The following FERMT1 variants were observed in gnomAD, a reference collection of about 807,000 sequenced individuals.
FERMT1 encodes the protein FERM domain containing kindlin 1.
In FERMT1, 60 loss-of-function variants were observed where a neutral mutation model predicts 85.3. The observed-to-expected ratio is 0.70, with a 90% CI of 0.57 to 0.87. The LOEUF (loss-of-function observed/expected upper bound fraction) is 0.87, where lower values mean the gene tolerates loss of function less well. Ranked by LOEUF, FERMT1 falls within the 40% of genes least tolerant of loss-of-function variation. FERMT1 has a pLI of 0.00. For missense variants in FERMT1, 701 were observed against 818.9 expected, an observed-to-expected ratio of 0.86 and a Z score of 1.76; for synonymous variants, 275 against 301.1, an observed-to-expected ratio of 0.91 and a Z score of 0.90.
At chr20:6,102,570 G>A (rs1045486427) in intron 6 of FERMT1, among the ~76,000 whole-genome samples, 15 of 151,074 alleles carry the variant, frequency 9.9e-5, no homozygotes, top group East Asian at 3.9e-4. Context: ...CCAGCTACTC[G>A]GGAGGCTGAG....
rs1476430208 is a variant in FERMT1 at position 6,077,947 on chromosome 20, T to C, written c.1861-601A>G. On this transcript the variant is annotated intron_variant, in intron 14 of 14. Coordinates refer to ENST00000217289, the MANE Select transcript of FERMT1 (RefSeq NM_017671.5). ...TCCATGCCTCGGACCCCCAAAGTGT[T>C]GGGATTATAGGCGTGAGCCACTGCA... 3.9e-5 allele frequency among the ~76,000 whole-genome samples: 6 copies of C among 152,160 alleles called. No individual in the cohort carries two copies. The East Asian group carries it at 9.6e-4, about 24-fold the overall frequency.
At chr20:6,087,110 C>T (rs560631556) in intron 11 of FERMT1, among the ~76,000 whole-genome samples, 2 of 152,196 alleles carry the variant, frequency 1.3e-5, no homozygotes, top group South Asian at 4.2e-4. Flanking sequence ...TGTGTTGCTA[C>T]GTGCCCTCTC....
In FERMT1 at chr20:6,076,595, G is replaced by C; in HGVS notation, c.*578C>G. On this transcript the variant is annotated 3_prime_UTR_variant, in exon 15 of 15. Transcript: ENST00000217289. Reference sequence around the variant, plus strand: ...ACTGAGGGCCACTCCTCTGACCTTGGGTTGTCAACTGCTACCTGGTAGCCC... The same window carrying C: ...ACTGAGGGCCACTCCTCTGACCTTGCGTTGTCAACTGCTACCTGGTAGCCC... 2.4e-6 allele frequency: 1 copy of C among 419,250 alleles called. No homozygotes were observed. The highest frequency in any genetic ancestry group is 1.7e-5 in the South Asian group (1 of 57,788). 26.0% of individuals were successfully genotyped at this position (419,250 alleles called of 1,614,324 possible).
At chr20:6,083,662 C>CCA (rs1555799163) in intron 13 of FERMT1, among the ~76,000 whole-genome samples, 10 of 138,442 alleles carry the variant, frequency 7.2e-5, no homozygotes, top group Admixed American at 2.3e-4. Flanking sequence ...GACACCCCCC[C>CCA]CCCCGGCCAC....
At chr20:6,122,022 G>A (rs1983290561) in intron 1 of FERMT1, among the ~76,000 whole-genome samples, 1 of 152,162 alleles carries the variant, frequency 6.6e-6, no homozygotes, top group Non-Finnish European at 1.5e-5. Context: ...TATTTAAAAT[G>A]TTTTGTATAT....
chr20:6,084,306 TTC>T (rs1418597050), intron 12 of FERMT1, 142 bp from the exon 13 acceptor site: 7 of 918,486 alleles, frequency 7.6e-6, no homozygotes, highest in Admixed American at 4.0e-5. Context: ...CATCCATTCA[TTC>T]TCTCTCTTTT....
At chr20:6,077,826 G>T (rs897085689) in intron 14 of FERMT1, among the ~76,000 whole-genome samples, 2 of 152,036 alleles carry the variant, frequency 1.3e-5, no homozygotes, top group African/African-American at 4.8e-5. Context: ...GATTACAGGT[G>T]TGTGCCACCA....
At chr20:6,094,286 C>T (rs1473081278) in intron 9 of FERMT1, 7 of 152,274 alleles carry the variant, frequency 4.6e-5, no homozygotes, top group South Asian at 2.1e-4. Flanking sequence ...ACCTAACATA[C>T]GCTGGCACCA....
At position 6,077,302 on chromosome 20, in the gene FERMT1, G is replaced by A; in HGVS notation, c.1905C>T (p.Cys635=). 6.2e-7 allele frequency: 1 copy of A among 1,614,198 alleles called. No homozygotes were observed. The highest frequency in any genetic ancestry group is 8.5e-7 in the Non-Finnish European group (1 of 1,180,036). The change falls in exon 15 of 15, where the codon TGC becomes TGT. Residue 635 remains cysteine, a synonymous_variant. Coordinates refer to ENST00000217289, the MANE Select transcript of FERMT1 (RefSeq NM_017671.5). ...FDQNVFTAFT[C]LSADCKIVHE... is the part of the protein sequence containing the mutation. Reference sequence around the variant, plus strand: ...GCACAATCTTGCAATCTGCACTCAGGCAGGTGAAAGCAGTAAAGACGTTTT... The same window carrying A: ...GCACAATCTTGCAATCTGCACTCAGACAGGTGAAAGCAGTAAAGACGTTTT...
At chr20:6,082,631 GT>G (rs1276820398) in intron 13 of FERMT1, among the ~76,000 whole-genome samples, 1 of 152,148 alleles carries the variant, frequency 6.6e-6, no homozygotes, top group African/African-American at 2.4e-5. Flanking sequence ...AGATATTTCA[GT>G]GAATAGGAAA....
intron 6 of FERMT1, among the ~76,000 whole-genome samples, chr20:6,106,682 G>T (rs1201818692): frequency 6.6e-6 from 1 of 152,192 alleles, no homozygotes. Context: ...TATTCTAATA[G>T]ACTTCAGGGG....
At chr20:6,109,081 T>A (rs1480296898) in intron 5 of FERMT1, among the ~76,000 whole-genome samples, 1 of 152,192 alleles carries the variant, frequency 6.6e-6, no homozygotes, top group Non-Finnish European at 1.5e-5. Flanking sequence ...TGGCTAGGGG[T>A]TCCTGTACAA....
chr20:6,077,228 T>G lies in FERMT1; in HGVS notation c.1979A>C (p.Gln660Pro). 6.2e-7 allele frequency: 1 copy of G among 1,614,198 alleles called. No individual in the cohort carries two copies. The highest frequency in any genetic ancestry group is 8.5e-7 in the Non-Finnish European group (1 of 1,180,046). Residue 660 changes from glutamine to proline, a missense_variant, in exon 15 of 15, where the codon CAG becomes CCG. Gln to Pro is a moderately conservative substitution (Grantham distance 76). Transcript: ENST00000217289. ...YIFLSTRSKDQNETLDEDLFH... is the reference protein window; with the variant it reads ...YIFLSTRSKDPNETLDEDLFH... The stretch of plus-strand genomic sequence containing the variant: ...CAAGTCCTCATCGAGTGTTTCATTC[T>G]GGTCCTTGGAGCGGGTGGACAAGAA...
intron 3 of FERMT1, among the ~76,000 whole-genome samples, chr20:6,114,087 G>T (rs558800134): frequency 6.6e-6 from 1 of 152,088 alleles, no homozygotes. Context: ...TCATCATTTC[G>T]TTCATATACT....
intron 2 of FERMT1, among the ~76,000 whole-genome samples, chr20:6,117,981 G>A (rs1568666481): frequency 6.6e-6 from 1 of 152,212 alleles, no homozygotes; most frequent in Non-Finnish European, 1.5e-5. Context: ...TCCTCTTAAT[G>A]CTGTTAGTAG....
At chr20:6,084,237 C>G in intron 12 of FERMT1, 73 bp from the exon 13 acceptor site, 2 of 1,522,332 alleles carry the variant, frequency 1.3e-6, no homozygotes, top group East Asian at 4.8e-5. Flanking sequence ...AGCTCCAGAT[C>G]CCCCATAAGA....
At chr20:6,108,155 T>C (rs1227421150) in intron 5 of FERMT1, among the ~76,000 whole-genome samples, 1 of 152,184 alleles carries the variant, frequency 6.6e-6, no homozygotes, top group Non-Finnish European at 1.5e-5. Context: ...CGTGGGCCAC[T>C]GTGCACGGCC....
rs1310584596 is a variant in FERMT1 at position 6,119,570 on chromosome 20, T to C, written c.-16A>G. ...ATGACAGCATTGTGGCAAATGCTGG[T>C]GTCTGCTGAACAAAAAGGCAGACAT... On this transcript the variant is annotated splice_region_variant and 5_prime_UTR_variant, in exon 2 of 15. Transcript: ENST00000217289. The C allele has an allele frequency of 6.2e-7, 1 of 1,612,794 alleles. No homozygotes were observed. The highest frequency in any genetic ancestry group is 1.3e-5 in the African/African-American group (1 of 74,898).
At position 6,088,625 on chromosome 20, in the gene FERMT1, T is replaced by C. The variant is rs116049120; in HGVS notation, c.1264+340A>G. ...AAACCCTGACTTTAATCTGCTCACC[T>C]CTTTTTTTTTTTTTTTTTTTGGAGA... On this transcript the variant is annotated intron_variant, in intron 10 of 14. Coordinates refer to ENST00000217289, the MANE Select transcript of FERMT1 (RefSeq NM_017671.5). 3.1e-3 allele frequency among the ~76,000 whole-genome samples: 385 copies of C among 124,308 alleles called. 3 individuals carry two copies. The highest frequency in any genetic ancestry group is 9.0e-3 in the African/African-American group (298 of 33,000). The allele number at this position is 124,308 out of a possible 152,430, so 81.6% of individuals were successfully genotyped here.
Sources: gnomAD v4.1 joint callset for allele counts (sites outside exome capture counted in the v4.1 genomes callset) on GRCh38, gnomAD v4.1.1 for gene constraint, MANE v1.5 for transcripts, NCBI Gene and HGNC (gene_info 2026-07-23, HGNC 2026-07-21) for gene names.